The following RORA variants were observed in gnomAD, a reference collection of about 807,000 sequenced individuals.
The protein encoded by RORA is RAR related orphan receptor A.
Under a neutral mutation model 69.5 loss-of-function variants are expected in RORA, and 7 were observed. That is an observed-to-expected ratio of 0.10 (90% CI 0.06 to 0.19). The LOEUF (loss-of-function observed/expected upper bound fraction) is 0.19, where lower values mean the gene tolerates loss of function less well. Among genes scored for constraint, RORA ranks in the 10% least tolerant of loss-of-function variants. RORA has a pLI of 1.00. For synonymous variants in RORA, 261 were observed against 240.8 expected (o/e 1.08, Z -0.78); for missense variants, 457 against 663.0 (o/e 0.69, Z 3.41).
intron 1 of RORA, among the ~76,000 whole-genome samples, chr15:60,960,451 C>A (rs1690009306): frequency 3.3e-5 from 5 of 152,110 alleles, no homozygotes; most frequent in Admixed American, 3.3e-4. Flanking sequence ...AATTGTCCAT[C>A]TGATTAAAAA....
At chr15:60,506,511 TTG>T (rs1327939062) in intron 5 of RORA, among the ~76,000 whole-genome samples, 30 of 152,132 alleles carry the variant, frequency 2.0e-4, no homozygotes, top group Admixed American at 2.0e-3. Flanking sequence ...AGGTATAAAG[TTG>T]AATTACAGAA....
intron 2 of RORA, among the ~76,000 whole-genome samples, chr15:60,672,068 C>T (rs530981725): frequency 6.6e-6 from 1 of 152,294 alleles, no homozygotes; most frequent in South Asian, 2.1e-4. Context: ...GCTTGGCCAA[C>T]AGAGCGAGTC....
intron 1 of RORA, among the ~76,000 whole-genome samples, chr15:61,018,532 C>T (rs1355404211): frequency 6.6e-6 from 1 of 152,068 alleles, no homozygotes; most frequent in Non-Finnish European, 1.5e-5. Context: ...GTGAAAAACT[C>T]CACATGCACA....
At chr15:60,590,482 G>A (rs1239914592) in intron 2 of RORA, among the ~76,000 whole-genome samples, 1 of 152,086 alleles carries the variant, frequency 6.6e-6, no homozygotes, top group Non-Finnish European at 1.5e-5. Context: ...TGTTCATTAG[G>A]GGAGAAAGCA....
chr15:61,217,370 G>A (rs1388961068), intron 1 of RORA, among the ~76,000 whole-genome samples: 3 of 152,096 alleles, frequency 2.0e-5, no homozygotes, highest in Non-Finnish European at 4.4e-5. Flanking sequence ...ACAGGAGTCT[G>A]GGAGCTTCAA....
intron 1 of RORA, chr15:60,848,816 A>T (rs561005527): frequency 6.6e-6 from 1 of 152,224 alleles, no homozygotes; most frequent in Admixed American, 6.5e-5. Context: ...TGAGAATAGC[A>T]AGAGGGAAAT....
intron 1 of RORA, chr15:61,181,362 C>G (rs1326103947): frequency 6.6e-6 from 1 of 152,102 alleles, no homozygotes; most frequent in Non-Finnish European, 1.5e-5. Flanking sequence ...ACATTGAGCT[C>G]TTTTCATCCT....
At chr15:61,153,136 G>A in intron 1 of RORA, among the ~76,000 whole-genome samples, 1 of 152,162 alleles carries the variant, frequency 6.6e-6, no homozygotes, top group East Asian at 1.9e-4. Context: ...AGAAGCCCTG[G>A]AGCCTGCAGC....
rs59966691 is a variant in RORA, at chr15:61,002,975, C to CAAAAAAA, written c.166+226071_166+226077dup. Among the ~76,000 whole-genome samples the CAAAAAAA allele has an allele frequency of 2.7e-4, 32 of 116,978 alleles. No homozygotes were observed. The South Asian group carries it at 8.7e-3, about 32-fold the overall frequency. The allele number at this position is 116,978 out of a possible 152,430, so 76.7% of individuals were successfully genotyped here. A position where few individuals can be genotyped will look rare whatever the true frequency, so the allele number is the denominator to read the frequency against. On this transcript the variant is annotated intron_variant, in intron 1 of 10. Transcript: ENST00000335670. ...TGAAACCCCGTCTCTACTAAAAATA[C>CAAAAAAA]AAAAAAAAAAAAAAAAAAATTAGCC...
chr15:60,526,237 C>T (rs2066351458), intron 3 of RORA, among the ~76,000 whole-genome samples: 1 of 152,176 alleles, frequency 6.6e-6, no homozygotes, highest in Non-Finnish European at 1.5e-5. Context: ...CGCAAGTGGT[C>T]TCTGATTAAA....
intron 1 of RORA, among the ~76,000 whole-genome samples, chr15:60,695,695 C>T (rs1053291856): frequency 2.6e-5 from 4 of 152,068 alleles, no homozygotes; most frequent in South Asian, 2.1e-4. Context: ...TTTCAGCCAG[C>T]GCAACATTCT....
rs183954109 is a variant in RORA at position 60,735,991 on chromosome 15, G to A, written c.167-57305C>T. On this transcript the variant is annotated intron_variant, in intron 1 of 10. Transcript: ENST00000335670. ...TGTACCCATGCCCTTCACAACACAC[G>A]TTTCAGCTGTTACCTCTCCCAATTA... 4.6e-5 allele frequency among the ~76,000 whole-genome samples: 7 copies of A among 152,204 alleles called. No homozygotes were observed. The East Asian group carries it at 1.4e-3, about 29-fold the overall frequency.
At chr15:60,563,917 T>G (rs1180914210) in intron 2 of RORA, among the ~76,000 whole-genome samples, 1 of 152,202 alleles carries the variant, frequency 6.6e-6, no homozygotes, top group Non-Finnish European at 1.5e-5. Flanking sequence ...CAGTGTTGTA[T>G]GAAACATCCC....
chr15:60,984,908 C>A (rs918601409), intron 1 of RORA, among the ~76,000 whole-genome samples: 7 of 150,166 alleles, frequency 4.7e-5, no homozygotes, highest in African/African-American at 7.4e-5. Context: ...AGGGGAGGAA[C>A]TAGTTCTTCA....
At chr15:60,927,513 C>A (rs1892252178) in intron 1 of RORA, among the ~76,000 whole-genome samples, 1 of 152,194 alleles carries the variant, frequency 6.6e-6, no homozygotes, top group African/African-American at 2.4e-5. Flanking sequence ...TGGCTCATGC[C>A]TGTAGTCCCA....
chr15:60,640,591 A>G (rs554896874), intron 2 of RORA, among the ~76,000 whole-genome samples: 1 of 152,218 alleles, frequency 6.6e-6, no homozygotes, highest in East Asian at 1.9e-4. Context: ...CTTTCCTTTT[A>G]GACTCCACTT....
rs540387491 is a variant in RORA, at chr15:60,489,398, C to G, written c.*8057G>C. 6.6e-6 allele frequency: 1 copy of G among 152,332 alleles called. No homozygotes were observed. Among genetic ancestry groups the G allele is most frequent in the South Asian group, 2.1e-4 (1 of 4,832 alleles). 9.4% of individuals were successfully genotyped at this position (152,332 alleles called of 1,614,324 possible). On this transcript the variant is annotated 3_prime_UTR_variant, in exon 11 of 11. Transcript: ENST00000335670. Reference sequence around the variant, plus strand: ...AGTGCAGTAAACAGAAACATTTGCTCTACATTTATAAATTGCTCAAAAATC... The same window carrying G: ...AGTGCAGTAAACAGAAACATTTGCTGTACATTTATAAATTGCTCAAAAATC...
At position 60,836,795 on chromosome 15, in the gene RORA, A is replaced by G. The variant is rs145706715; in HGVS notation, c.167-158109T>C. Among the ~76,000 whole-genome samples the G allele has an allele frequency of 3.3e-5, 5 of 152,174 alleles. No homozygotes were observed. In the East Asian group the frequency reaches 9.7e-4, roughly 29 times the overall value. ...ATGTCCATTAGTCACTGAATACTCC[A>G]TGAGCTCTCTCCTAAAATATCCTCC... On this transcript the variant is annotated intron_variant, in intron 1 of 10. Coordinates refer to ENST00000335670, the MANE Select transcript of RORA (RefSeq NM_134261.3).
At chr15:61,071,019 C>T (rs1455719289) in intron 1 of RORA, among the ~76,000 whole-genome samples, 1 of 151,506 alleles carries the variant, frequency 6.6e-6, no homozygotes, top group Admixed American at 6.6e-5. Flanking sequence ...CTAACGGACT[C>T]CTCTGCTGAA....
Sources: gnomAD v4.1 joint callset for allele counts (sites outside exome capture counted in the v4.1 genomes callset) on GRCh38, gnomAD v4.1.1 for gene constraint, MANE v1.5 for transcripts, NCBI Gene and HGNC (gene_info 2026-07-23, HGNC 2026-07-21) for gene names.